Variants in FGF14 observed in about 807,000 individuals in gnomAD.
The protein encoded by FGF14 is fibroblast growth factor 14.
FGF14 carries 5 observed loss-of-function variants against 25.5 expected under a neutral mutation model. The observed-to-expected ratio is 0.20, with a 90% CI of 0.10 to 0.41. The LOEUF is 0.41. Among genes scored for constraint, FGF14 ranks in the 10% least tolerant of loss-of-function variants. FGF14 has a pLI of 1.00. For missense variants in FGF14, 222 were observed against 320.1 expected (o/e 0.69, Z 2.34); for synonymous variants, 138 against 118.3 (o/e 1.17, Z -1.08).
intron 3 of FGF14, among the ~76,000 whole-genome samples, chr13:101,797,211 AC>A (rs1314463356): frequency 6.6e-6 from 1 of 152,066 alleles, no homozygotes; most frequent in Non-Finnish European, 1.5e-5. Flanking sequence ...ATGCTACATC[AC>A]TTTTAATTGT....
At chr13:102,156,479 C>G (rs1343611736) in intron 1 of FGF14, among the ~76,000 whole-genome samples, 1 of 152,188 alleles carries the variant, frequency 6.6e-6, no homozygotes, top group African/African-American at 2.4e-5. Flanking sequence ...GCTAAAAACT[C>G]TCAATAAATT....
At chr13:102,253,987 T>A (rs1023799481) in intron 1 of FGF14, among the ~76,000 whole-genome samples, 1 of 152,192 alleles carries the variant, frequency 6.6e-6, no homozygotes, top group African/African-American at 2.4e-5. Context: ...CCTCACCTCA[T>A]GTGATTTTGA....
chr13:102,359,405 C>T (rs2057505253), intron 1 of FGF14, among the ~76,000 whole-genome samples: 1 of 152,108 alleles, frequency 6.6e-6, no homozygotes, highest in South Asian at 2.1e-4. Context: ...ATATTTCTTT[C>T]CATATTATCA....
intron 1 of FGF14, among the ~76,000 whole-genome samples, chr13:101,964,695 C>T (rs938682059): frequency 6.6e-6 from 1 of 152,174 alleles, no homozygotes; most frequent in Admixed American, 6.5e-5. Context: ...ATCTTCTCTG[C>T]TATAGTTCTC....
chr13:101,789,920 T>C (rs2040135411), intron 3 of FGF14, among the ~76,000 whole-genome samples: 1 of 151,662 alleles, frequency 6.6e-6, no homozygotes, highest in Non-Finnish European at 1.5e-5. Flanking sequence ...TTAATAATAA[T>C]GCCCTTACAT....
intron 1 of FGF14, among the ~76,000 whole-genome samples, chr13:102,385,269 C>T (rs1478652885): frequency 6.6e-6 from 1 of 152,110 alleles, no homozygotes; most frequent in African/African-American, 2.4e-5. Flanking sequence ...ATCAGACAAC[C>T]CTGAACCTAT....
intron 1 of FGF14, among the ~76,000 whole-genome samples, chr13:102,172,141 T>G (rs2048277099): frequency 6.6e-6 from 1 of 152,124 alleles, no homozygotes; most frequent in East Asian, 1.9e-4. Flanking sequence ...TCTTCACCTT[T>G]TAAACTTAAA....
At chr13:102,269,779 G>C (rs891033753) in intron 1 of FGF14, among the ~76,000 whole-genome samples, 1 of 152,080 alleles carries the variant, frequency 6.6e-6, no homozygotes, top group African/African-American at 2.4e-5. Context: ...ATGAGGCAGG[G>C]GGATTGCTTG....
chr13:101,795,162 A>G (rs2040446785), intron 3 of FGF14, among the ~76,000 whole-genome samples: 1 of 152,142 alleles, frequency 6.6e-6, no homozygotes. Flanking sequence ...TTGCCAAAGC[A>G]GTCACAGACA....
intron 1 of FGF14, among the ~76,000 whole-genome samples, chr13:102,214,897 A>G (rs367886314): frequency 6.6e-6 from 1 of 152,158 alleles, no homozygotes; most frequent in Non-Finnish European, 1.5e-5. Context: ...TAGACGTTCT[A>G]TCTTGCCTAA....
chr13:101,983,897 C>T (rs2038412279), intron 1 of FGF14, among the ~76,000 whole-genome samples: 1 of 152,054 alleles, frequency 6.6e-6, no homozygotes, highest in Non-Finnish European at 1.5e-5. Context: ...AGGAGGAGAG[C>T]TTGGGGGCTA....
chr13:101,887,484 G>A (rs2138858726), intron 1 of FGF14, among the ~76,000 whole-genome samples: 1 of 152,168 alleles, frequency 6.6e-6, no homozygotes, highest in East Asian at 1.9e-4. Context: ...CTTATGTTAA[G>A]TGAAATAAGG....
intron 3 of FGF14, among the ~76,000 whole-genome samples, chr13:101,797,772 T>TGTGTGCGC (rs34927828): frequency 4.8e-4 from 70 of 145,670 alleles, no homozygotes; most frequent in African/African-American, 1.6e-3. Context: ...TGTGTGTGTG[T>TGTGTGCGC]GTGTGTGTGT....
chr13:102,222,937 G>T (rs1307518510), intron 1 of FGF14, among the ~76,000 whole-genome samples: 2 of 152,174 alleles, frequency 1.3e-5, no homozygotes, highest in Non-Finnish European at 2.9e-5. Context: ...GGAGAAAATG[G>T]AGGAAATATA....
intron 1 of FGF14, among the ~76,000 whole-genome samples, chr13:101,893,883 C>G (rs1044456003): frequency 6.6e-6 from 1 of 152,098 alleles, no homozygotes; most frequent in Admixed American, 6.6e-5. Context: ...AGTGAGAAAC[C>G]AATACACCTG....
intron 3 of FGF14, among the ~76,000 whole-genome samples, chr13:101,807,112 T>C (rs1417564871): frequency 6.6e-6 from 1 of 152,146 alleles, no homozygotes; most frequent in Non-Finnish European, 1.5e-5. Context: ...AAGAAAAGTA[T>C]TGACTATAAC....
At chr13:101,762,861 T>G (rs560356470) in intron 3 of FGF14, among the ~76,000 whole-genome samples, 1 of 152,306 alleles carries the variant, frequency 6.6e-6, no homozygotes, top group East Asian at 1.9e-4. Flanking sequence ...GTCACATTTT[T>G]CCCTCTTGCC....
At chr13:102,131,906 A>G (rs753870345) in intron 1 of FGF14, among the ~76,000 whole-genome samples, 3 of 152,242 alleles carry the variant, frequency 2.0e-5, no homozygotes, top group Non-Finnish European at 4.4e-5. Context: ...AGGAAAGTCA[A>G]TATTACCAAC....
chr13:102,212,277 T>C (rs1489262253), intron 1 of FGF14, among the ~76,000 whole-genome samples: 1 of 152,240 alleles, frequency 6.6e-6, no homozygotes, highest in Non-Finnish European at 1.5e-5. Context: ...GGTCAACCTG[T>C]TTCCCAGGCT....
Sources: allele counts gnomAD v4.1 joint callset (sites outside exome capture counted in the v4.1 genomes callset), GRCh38; gene constraint gnomAD v4.1.1; transcripts MANE v1.5; gene names NCBI Gene and HGNC (gene_info 2026-07-23, HGNC 2026-07-21).